Variants in MEIS2 observed in about 807,000 individuals in gnomAD.
MEIS2 encodes homeobox protein Meis2.
In MEIS2, 9 loss-of-function variants were observed where a neutral mutation model predicts 58.6. That is an observed-to-expected ratio of 0.15 (90% CI 0.09 to 0.27). The LOEUF is 0.27. Among genes scored for constraint, MEIS2 ranks in the 10% least tolerant of loss-of-function variants. The pLI, the probability that MEIS2 is intolerant of heterozygous loss-of-function variation, is 1.00. For missense variants in MEIS2, 427 were observed against 635.0 expected, an observed-to-expected ratio of 0.67 and a Z score of 3.52; for synonymous variants, 221 against 228.4, an observed-to-expected ratio of 0.97 and a Z score of 0.29.
intron 11 of MEIS2, chr15:36,894,804 T>G (rs1249951514): frequency 6.2e-7 from 1 of 1,611,644 alleles, no homozygotes; most frequent in Non-Finnish European, 8.5e-7. Context: ...CCCATTCCAC[T>G]CATAGGTCCT....
At chr15:37,092,665 C>G (rs1254028369) in intron 6 of MEIS2, among the ~76,000 whole-genome samples, 1 of 74,350 alleles carries the variant, frequency 1.3e-5, no homozygotes, top group Non-Finnish European at 2.6e-5. Flanking sequence ...CTCTTTGCTT[C>G]TTTTTCAAAT....
At position 37,098,974 on chromosome 15, in the gene MEIS2, T is replaced by C. The variant is rs1045595206; in HGVS notation, c.12+481A>G. The C allele has an allele frequency of 4.1e-6, 4 of 984,902 alleles. No homozygotes were observed. The African/African-American group carries it at 7.0e-5, about 17-fold the overall frequency. 61.0% of individuals were successfully genotyped at this position (984,902 alleles called of 1,614,324 possible). A position where few individuals can be genotyped will look rare whatever the true frequency, so the allele number is the denominator to read the frequency against. On this transcript the variant is annotated intron_variant, in intron 1 of 11. Transcript: ENST00000561208. The stretch of plus-strand genomic sequence containing the variant: ...AGACAAAACAAGCAGCCCAGGCTAG[T>C]AGTCTAGGCGGCGGCGCAGCGGCTG...
chr15:37,041,805 T>C (rs990021361), intron 7 of MEIS2, among the ~76,000 whole-genome samples: 11 of 152,048 alleles, frequency 7.2e-5, no homozygotes, highest in African/African-American at 2.4e-4. Flanking sequence ...TATGTGCACC[T>C]GGGATTACAA....
intron 11 of MEIS2, 191 bp downstream of exon 11, chr15:36,894,960 G>C: frequency 1.1e-6 from 1 of 880,686 alleles, no homozygotes; most frequent in Non-Finnish European, 1.8e-6. Flanking sequence ...AGAGTATAAT[G>C]GTACTGTGGT....
chr15:36,909,422 G>T (rs1213482699), intron 9 of MEIS2, among the ~76,000 whole-genome samples: 3 of 152,082 alleles, frequency 2.0e-5, no homozygotes, highest in Non-Finnish European at 4.4e-5. Context: ...TGAAAATAGG[G>T]TTCCTTCATC....
intron 8 of MEIS2, among the ~76,000 whole-genome samples, chr15:36,953,339 GT>G (rs2058832040): frequency 6.6e-6 from 1 of 152,146 alleles, no homozygotes; most frequent in Admixed American, 6.5e-5. Context: ...CTTCTTTGAT[GT>G]ATATTACTAA....
intron 9 of MEIS2, chr15:36,898,842 C>A (rs1462979941): frequency 6.6e-6 from 1 of 152,160 alleles, no homozygotes; most frequent in Non-Finnish European, 1.5e-5. Context: ...CACAACAATG[C>A]AGAACATTAA....
intron 8 of MEIS2, among the ~76,000 whole-genome samples, chr15:36,995,987 A>ATG (rs2060492955): frequency 1.0e-4 from 5 of 49,008 alleles, no homozygotes; most frequent in Admixed American, 4.4e-4. Context: ...ATATATATAT[A>ATG]TATATATATA....
At chr15:37,031,909 G>A (rs1214157681) in intron 8 of MEIS2, among the ~76,000 whole-genome samples, 1 of 147,842 alleles carries the variant, frequency 6.8e-6, no homozygotes, top group African/African-American at 2.5e-5. Flanking sequence ...TTCCATCCTA[G>A]CTCACTGCAG....
At position 36,890,539 on chromosome 15, in the gene MEIS2, A is replaced by G. The variant is rs954742329; in HGVS notation, c.*1634T>C. 2 of 152,216 alleles carry G rather than the reference A, an allele frequency of 1.3e-5. No individual in the cohort carries two copies. The highest frequency in any genetic ancestry group is 2.4e-5 in the African/African-American group (1 of 41,462). 9.4% of individuals were successfully genotyped at this position (152,216 alleles called of 1,614,324 possible). A position where few individuals can be genotyped will look rare whatever the true frequency, so the allele number is the denominator to read the frequency against. Reference sequence around the variant, plus strand: ...TTAAAGTCAGAATTTCAAACTCCATAGAAGTTGTTTACTTATCTATGAACA... The same window carrying G: ...TTAAAGTCAGAATTTCAAACTCCATGGAAGTTGTTTACTTATCTATGAACA... On this transcript the variant is annotated 3_prime_UTR_variant, in exon 12 of 12. Transcript: ENST00000561208.
intron 8 of MEIS2, among the ~76,000 whole-genome samples, chr15:37,010,772 G>A (rs1038004537): frequency 1.1e-4 from 16 of 152,230 alleles, no homozygotes; most frequent in Admixed American, 9.2e-4. Flanking sequence ...AATGGGGGTT[G>A]AGGGTGGATT....
intron 1 of MEIS2, chr15:37,099,144 C>T: frequency 8.7e-7 from 1 of 1,152,508 alleles, no homozygotes; most frequent in Non-Finnish European, 1.1e-6. Context: ...AAAGCTGGAG[C>T]GAGGCGAAAG....
chr15:36,988,288 A>G (rs943560644), intron 8 of MEIS2, among the ~76,000 whole-genome samples: 13 of 152,236 alleles, frequency 8.5e-5, no homozygotes, highest in Admixed American at 2.0e-4. Context: ...ACTTATTATT[A>G]TCCAAATGAG....
chr15:36,893,016 C>G (rs936367007), intron 11 of MEIS2, among the ~76,000 whole-genome samples: 2 of 151,936 alleles, frequency 1.3e-5, no homozygotes, highest in African/African-American at 4.8e-5. Context: ...AGCAGTACAC[C>G]CAAGAGATTG....
intron 6 of MEIS2, among the ~76,000 whole-genome samples, chr15:37,087,524 C>T (rs573600181): frequency 6.6e-6 from 1 of 152,268 alleles, no homozygotes; most frequent in South Asian, 2.1e-4. Context: ...CGCTCTGCTG[C>T]TCTACTCTGT....
intron 7 of MEIS2, among the ~76,000 whole-genome samples, chr15:37,078,238 C>T (rs1175166533): frequency 6.6e-6 from 1 of 151,874 alleles, no homozygotes; most frequent in Non-Finnish European, 1.5e-5. Flanking sequence ...ACCCTTGTAG[C>T]CCAAGGAAGA....
intron 10 of MEIS2, 28 bp downstream of exon 10, chr15:36,896,600 A>T (rs202165166): frequency 3.7e-5 from 58 of 1,580,422 alleles, no homozygotes; most frequent in Non-Finnish European, 4.8e-5. Context: ...CCTGTGGGAC[A>T]TAAATATAGA....
chr15:37,071,515 T>C (rs1890706060), intron 7 of MEIS2, among the ~76,000 whole-genome samples: 1 of 152,116 alleles, frequency 6.6e-6, no homozygotes, highest in Admixed American at 6.6e-5. Context: ...ATGATGTTTG[T>C]TGCATGGGGT....
At chr15:36,897,207 G>C (rs917132310) in intron 9 of MEIS2, 1 of 155,522 alleles carries the variant, frequency 6.4e-6, no homozygotes, top group Admixed American at 6.2e-5. Flanking sequence ...TCTGCTCTTC[G>C]GCAACTCCTG....
Sources: gnomAD v4.1 joint callset for allele counts (sites outside exome capture counted in the v4.1 genomes callset) on GRCh38, gnomAD v4.1.1 for gene constraint, MANE v1.5 for transcripts, NCBI Gene and HGNC (gene_info 2026-07-23, HGNC 2026-07-21) for gene names.